Variants in SNRNP48 observed in about 807,000 individuals in gnomAD.
SNRNP48 encodes the protein small nuclear ribonucleoprotein U11/U12 subunit 48.
SNRNP48 carries 43 observed loss-of-function variants against 47.0 expected under a neutral mutation model. The ratio of observed to expected loss-of-function variants is 0.92; its 90% CI spans 0.72 to 1.18. The LOEUF (loss-of-function observed/expected upper bound fraction) is 1.18. Among genes scored for constraint, SNRNP48 ranks in the 50% most tolerant of loss-of-function variants. SNRNP48 has a pLI of 0.00. For synonymous variants in SNRNP48, 138 were observed against 144.0 expected, an observed-to-expected ratio of 0.96 and a Z score of 0.30; for missense variants, 396 against 422.2, an observed-to-expected ratio of 0.94 and a Z score of 0.54.
chr6:7,605,454 A>T lies in SNRNP48; in HGVS notation c.774A>T (p.Glu258Asp). 1 of 1,614,176 alleles carries T rather than the reference A, an allele frequency of 6.2e-7. No individual in the cohort carries two copies. Among genetic ancestry groups the T allele is most frequent in the Non-Finnish European group, 8.5e-7 (1 of 1,180,004 alleles). ...HMEELSNHWQ[E>D]EQEKAEDDAE... Reference sequence around the variant, plus strand: ...AAGAACTCAGCAATCATTGGCAAGAAGAGCAAGAGAAGGCAGAGGATGATG... The same window carrying T: ...AAGAACTCAGCAATCATTGGCAAGATGAGCAAGAGAAGGCAGAGGATGATG... Residue 258 changes from glutamate (E) to aspartate (D), a missense_variant, in exon 7 of 9, where the codon GAA (glutamate) becomes GAT (aspartate). Transcript: ENST00000342415.
At chr6:7,598,700 A>T (rs989418520) in intron 4 of SNRNP48, among the ~76,000 whole-genome samples, 24 of 152,088 alleles carry the variant, frequency 1.6e-4, no homozygotes, top group African/African-American at 5.6e-4. Context: ...TCTAATTCGT[A>T]TTTTGTTTGT....
chr6:7,590,421 G>T lies in SNRNP48; in HGVS notation c.156+8G>T, dbSNP rs888349931. ...GAAGAGGAGGCGGCGGAGGTGAGGA[G>T]CGCGGCCGCGGGGCCCTTTCGGGGA... On this transcript the variant is annotated splice_region_variant and intron_variant, in intron 1 of 8. Transcript: ENST00000342415. 1.6e-6 allele frequency: 2 copies of T among 1,285,890 alleles called. No homozygotes were observed. The highest frequency in any genetic ancestry group is 2.0e-6 in the Non-Finnish European group (2 of 1,005,734). The allele number at this position is 1,285,890 out of a possible 1,614,324, so 79.7% of individuals were successfully genotyped here.
At chr6:7,602,472 C>T in intron 5 of SNRNP48, 151 bp from the exon 6 acceptor site, 1 of 554,208 alleles carries the variant, frequency 1.8e-6, no homozygotes, top group Non-Finnish European at 2.9e-6. Flanking sequence ...AAAACTTAGC[C>T]CGTGTATATA....
chr6:7,591,632 T>C (rs1248841799), intron 1 of SNRNP48, among the ~76,000 whole-genome samples: 2 of 152,246 alleles, frequency 1.3e-5, no homozygotes, highest in South Asian at 2.1e-4. Context: ...CTTCCATACA[T>C]TGTTTACTCA....
chr6:7,590,514 G>A, intron 1 of SNRNP48, 101 bp downstream of exon 1: 3 of 1,207,474 alleles, frequency 2.5e-6, no homozygotes, highest in Non-Finnish European at 2.1e-6. Context: ...GAAGGGCGAG[G>A]AGTCCTCGTC....
intron 4 of SNRNP48, chr6:7,600,236 A>C (rs6597271): frequency 1.0e-6 from 1 of 978,932 alleles, no homozygotes; most frequent in East Asian, 1.1e-4. Context: ...TCTCCTCTTA[A>C]TATGTAGACA....
chr6:7,601,485 A>G lies in SNRNP48; in HGVS notation c.556A>G (p.Ser186Gly). 2 of 1,596,504 alleles carry G rather than the reference A, an allele frequency of 1.3e-6. No individual in the cohort carries two copies. The highest frequency in any genetic ancestry group is 1.7e-6 in the Non-Finnish European group (2 of 1,175,994). ...RSDSQIIEND[S>G]DLFVDLAAKI... is the part of the protein sequence containing the mutation. ...TGATTCTCAAATTATTGAAAATGAC[A>G]GCGATCTCTTTGTAGACTTGGCTGC... Residue 186 changes from serine to glycine, a missense_variant, in exon 5 of 9, where the codon AGC (serine) becomes GGC (glycine). Coordinates refer to ENST00000342415, the MANE Select transcript of SNRNP48 (RefSeq NM_152551.4).
chr6:7,600,825 G>C (rs973320451), intron 4 of SNRNP48: 1 of 152,112 alleles, frequency 6.6e-6, no homozygotes, highest in Non-Finnish European at 1.5e-5. Flanking sequence ...GCACAAGTGG[G>C]ATATATTTTG....
intron 4 of SNRNP48, 106 bp from the exon 5 acceptor site, chr6:7,601,230 G>T: frequency 3.7e-6 from 3 of 818,048 alleles, no homozygotes; most frequent in Non-Finnish European, 5.4e-6. Flanking sequence ...AAAAAAGTTT[G>T]TGTTAATATT....
chr6:7,597,376 G>T (rs1759922230), intron 4 of SNRNP48, among the ~76,000 whole-genome samples: 1 of 152,176 alleles, frequency 6.6e-6, no homozygotes, highest in South Asian at 2.1e-4. Flanking sequence ...TCATATCTCT[G>T]CATACTAATC....
At chr6:7,605,539 A>G in intron 7 of SNRNP48, 53 bp downstream of exon 7, 1 of 1,487,978 alleles carries the variant, frequency 6.7e-7, no homozygotes, top group Admixed American at 1.7e-5. Context: ...AACAGATAAC[A>G]ATTAACTTAT....
At chr6:7,595,261 A>G (rs537229449) in intron 4 of SNRNP48, among the ~76,000 whole-genome samples, 160 bp downstream of exon 4, 1 of 152,320 alleles carries the variant, frequency 6.6e-6, no homozygotes, top group South Asian at 2.1e-4. Context: ...TTTCAACTTC[A>G]TTTGTTAGAT....
chr6:7,591,441 A>G (rs1193017106), intron 1 of SNRNP48, among the ~76,000 whole-genome samples: 1 of 152,160 alleles, frequency 6.6e-6, no homozygotes, highest in Non-Finnish European at 1.5e-5. Flanking sequence ...TGCTGTGATA[A>G]TTTCTCCTGG....
Position 7,602,725 on chromosome 6 carries a change from C to A in SNRNP48, c.698C>A (p.Thr233Asn). 1 of 1,584,710 alleles carries A rather than the reference C, an allele frequency of 6.3e-7. No individual in the cohort carries two copies. Among genetic ancestry groups the A allele is most frequent in the Non-Finnish European group, 8.6e-7 (1 of 1,168,722 alleles). ...TATAGAGCCAAGAATGTTCACATAA[C>A]CAAGAAATCATATACTGAGGTAAGT... ...QSYRAKNVHI[T>N]KKSYTEVIRD... is the part of the protein sequence containing the mutation. Residue 233 changes from threonine (T) to asparagine (N), a missense_variant, in exon 6 of 9, where the codon ACC becomes AAC. Thr to Asn is a moderately conservative substitution (Grantham distance 65, BLOSUM62 0). Coordinates refer to ENST00000342415, the MANE Select transcript of SNRNP48 (RefSeq NM_152551.4).
At chr6:7,602,331 T>C (rs1216881985) in intron 5 of SNRNP48, among the ~76,000 whole-genome samples, 1 of 152,204 alleles carries the variant, frequency 6.6e-6, no homozygotes, top group Non-Finnish European at 1.5e-5. Context: ...ACTCAGTACC[T>C]GAGGTTTTAC....
chr6:7,595,218 G>T, intron 4 of SNRNP48, 117 bp downstream of exon 4: 1 of 833,434 alleles, frequency 1.2e-6, no homozygotes, highest in Non-Finnish European at 1.8e-6. Flanking sequence ...GAAAGGTAAA[G>T]TTTTACATTT....
chr6:7,601,636 T>C, intron 5 of SNRNP48, 112 bp downstream of exon 5: 1 of 1,077,434 alleles, frequency 9.3e-7, no homozygotes, highest in Non-Finnish European at 1.3e-6. Context: ...AATGGTTTTG[T>C]ATCATTTAAT....
At chr6:7,593,598 A>G (rs1438242625) in intron 1 of SNRNP48, 136 bp from the exon 2 acceptor site, 2 of 466,008 alleles carry the variant, frequency 4.3e-6, no homozygotes, top group Non-Finnish European at 7.4e-6. Flanking sequence ...ACACAACTAC[A>G]TGGGGGTTGA....
chr6:7,594,888 G>A, intron 3 of SNRNP48, 139 bp from the exon 4 acceptor site: 1 of 649,104 alleles, frequency 1.5e-6, no homozygotes, highest in Non-Finnish European at 2.6e-6. Flanking sequence ...AGATTTCATA[G>A]ACAGGGATGT....
Sources: allele counts gnomAD v4.1 joint callset (sites outside exome capture counted in the v4.1 genomes callset), GRCh38; gene constraint gnomAD v4.1.1; transcripts MANE v1.5; gene names NCBI Gene and HGNC (gene_info 2026-07-23, HGNC 2026-07-21).